Variants in KLF12 observed in about 807,000 individuals in gnomAD.
The protein encoded by KLF12 is Krueppel-like factor 12.
KLF12 carries 9 observed loss-of-function variants against 37.8 expected under a neutral mutation model. The observed-to-expected ratio is 0.24, with a 90% CI of 0.14 to 0.42. The LOEUF is 0.42. KLF12 is among the 10% of genes least tolerant of loss of function. The pLI is 1.00. For synonymous variants in KLF12, 208 were observed against 202.1 expected, an observed-to-expected ratio of 1.03 and a Z score of -0.25; for missense variants, 411 against 516.0, an observed-to-expected ratio of 0.80 and a Z score of 1.97.
intron 1 of KLF12, among the ~76,000 whole-genome samples, chr13:74,049,790 T>G (rs1872787178): frequency 6.6e-6 from 1 of 152,106 alleles, no homozygotes; most frequent in South Asian, 2.1e-4. Context: ...GGGGATCCCT[T>G]GCTCTTCAAA....
At chr13:74,029,388 G>A (rs145274438) in intron 1 of KLF12, among the ~76,000 whole-genome samples, 17 of 151,962 alleles carry the variant, frequency 1.1e-4, no homozygotes, top group African/African-American at 3.9e-4. Flanking sequence ...AGTTTTCAAC[G>A]TTTCCCATTA....
At chr13:74,147,345 C>A in the KLF12 span, among the ~76,000 whole-genome samples, 1 of 152,190 alleles carries the variant, frequency 6.6e-6, no homozygotes, top group Non-Finnish European at 1.5e-5. Context: ...TGCTCCTACA[C>A]AAAGAGTTCT....
chr13:73,709,848 C>T (rs761217604), intron 7 of KLF12, among the ~76,000 whole-genome samples: 3 of 152,042 alleles, frequency 2.0e-5, no homozygotes, highest in Admixed American at 2.0e-4. Context: ...TGAATGGAGG[C>T]CTCTCGGATC....
At chr13:74,081,328 G>A (rs1438862803) in intron 1 of KLF12, among the ~76,000 whole-genome samples, 2 of 152,140 alleles carry the variant, frequency 1.3e-5, no homozygotes, top group African/African-American at 4.8e-5. Context: ...TAGGTATTCA[G>A]TAATCAAAAG....
intron 2 of KLF12, among the ~76,000 whole-genome samples, chr13:73,991,301 T>C (rs1891965067): frequency 6.6e-6 from 1 of 152,198 alleles, no homozygotes; most frequent in Admixed American, 6.5e-5. Context: ...TTCCAAGGCG[T>C]GCTCAACATA....
the KLF12 span, among the ~76,000 whole-genome samples, chr13:74,214,642 AT>A: frequency 0.21 from 30,604 of 148,822 alleles, 4,018 homozygotes; most frequent in African/African-American, 0.38. Flanking sequence ...CTGATTTCAG[AT>A]TTTTTTTTTT....
At chr13:73,782,852 G>T (rs1020813478) in intron 5 of KLF12, among the ~76,000 whole-genome samples, 3 of 152,208 alleles carry the variant, frequency 2.0e-5, no homozygotes, top group African/African-American at 7.2e-5. Flanking sequence ...GCTCTAATTT[G>T]TCAAGCTGTG....
At chr13:74,179,441 G>A in the KLF12 span, among the ~76,000 whole-genome samples, 22 of 152,174 alleles carry the variant, frequency 1.4e-4, no homozygotes, top group African/African-American at 5.3e-4. Context: ...GAATGTCAGT[G>A]TTACATCTTG....
chr13:74,135,357 A>G (rs1878508795), upstream of KLF12, among the ~76,000 whole-genome samples: 1 of 151,744 alleles, frequency 6.6e-6, no homozygotes, highest in South Asian at 2.1e-4. Flanking sequence ...CCACTGCCCC[A>G]CGCCCAGAGC....
chr13:74,125,966 T>C (rs1051730719), intron 1 of KLF12, among the ~76,000 whole-genome samples: 1 of 152,234 alleles, frequency 6.6e-6, no homozygotes, highest in Non-Finnish European at 1.5e-5. Flanking sequence ...TACAGCTAAC[T>C]GGCTATTCAC....
At chr13:73,707,503 CG>C (rs1875042191) in intron 7 of KLF12, among the ~76,000 whole-genome samples, 1 of 152,068 alleles carries the variant, frequency 6.6e-6, no homozygotes, top group Non-Finnish European at 1.5e-5. Context: ...AAACAACTTA[CG>C]GGGAGAGGAT....
chr13:73,748,894 C>A (rs1394585672), intron 6 of KLF12, among the ~76,000 whole-genome samples: 2 of 152,098 alleles, frequency 1.3e-5, no homozygotes, highest in Admixed American at 1.3e-4. Context: ...GACTCCTGTT[C>A]TTTATATTTA....
chr13:73,804,101 AC>A (rs2138364554), intron 5 of KLF12, among the ~76,000 whole-genome samples: 1 of 151,288 alleles, frequency 6.6e-6, no homozygotes, highest in South Asian at 2.1e-4. Flanking sequence ...CTCCCATCTC[AC>A]CTCCTCACTC....
the KLF12 span, among the ~76,000 whole-genome samples, chr13:74,265,125 C>G: frequency 6.6e-6 from 1 of 152,138 alleles, no homozygotes; most frequent in African/African-American, 2.4e-5. Flanking sequence ...TTGAGAAATA[C>G]TTATGAGGGA....
chr13:74,007,074 A>G (rs1328267754), intron 1 of KLF12, among the ~76,000 whole-genome samples: 4 of 152,000 alleles, frequency 2.6e-5, no homozygotes, highest in Non-Finnish European at 1.5e-5. Flanking sequence ...CCTGCAGCCA[A>G]ATCTCTCCTG....
chr13:73,856,232 C>T (rs920514080), intron 3 of KLF12, among the ~76,000 whole-genome samples: 4 of 152,172 alleles, frequency 2.6e-5, no homozygotes, highest in Non-Finnish European at 4.4e-5. Context: ...GGGCCATGCC[C>T]GCCAGCCACA....
the KLF12 span, among the ~76,000 whole-genome samples, chr13:74,294,287 A>G: frequency 3.3e-5 from 5 of 152,210 alleles, no homozygotes; most frequent in Admixed American, 2.6e-4. Context: ...CATCCAAATC[A>G]TGTACATCGG....
intron 1 of KLF12, among the ~76,000 whole-genome samples, chr13:74,049,937 A>G (rs1022777602): frequency 2.0e-5 from 3 of 151,792 alleles, no homozygotes; most frequent in African/African-American, 7.3e-5. Context: ...TAAATGAATC[A>G]ATTTGGATAC....
chr13:73,945,237 G>A (rs561665167), intron 2 of KLF12, among the ~76,000 whole-genome samples: 4 of 152,298 alleles, frequency 2.6e-5, no homozygotes, highest in African/African-American at 9.6e-5. Context: ...GGGAGGCTGA[G>A]GCGGGTGGAT....
Sources: allele counts gnomAD v4.1 joint callset (sites outside exome capture counted in the v4.1 genomes callset), GRCh38; gene constraint gnomAD v4.1.1; transcripts MANE v1.5; gene names NCBI Gene and HGNC (gene_info 2026-07-23, HGNC 2026-07-21).